Variants in SMARCA1 observed in about 807,000 individuals in gnomAD.
SMARCA1 encodes SWI/SNF-related matrix-associated actin-dependent regulator of chromatin subfamily A member 1.
In SMARCA1, 17 loss-of-function variants were observed where a neutral mutation model predicts 93.6. The ratio of observed to expected loss-of-function variants is 0.18; its 90% CI spans 0.12 to 0.27. SMARCA1 has a LOEUF of 0.27. Ranked by LOEUF, SMARCA1 falls within the 10% of genes least tolerant of loss-of-function variation. The pLI is 1.00. For synonymous variants in SMARCA1, 271 were observed against 271.4 expected (o/e 1.00, Z 0.01); for missense variants, 630 against 819.0 (o/e 0.77, Z 2.82).
At chrX:129,465,992 C>A in intron 21 of SMARCA1, 30 bp from the exon 22 acceptor site, 1 of 759,902 alleles carries the variant, frequency 1.3e-6, no homozygotes, top group East Asian at 3.3e-5. Context: ...CTTTAAAATC[C>A]TATCATTTAA....
chrX:129,515,925 A>G lies in SMARCA1; in HGVS notation c.498T>C (p.Asn166=). The G allele has an allele frequency of 8.3e-7, 1 of 1,206,144 alleles. No homozygotes were observed. The change falls in exon 4 of 25, where the codon AAT becomes AAC. Residue 166 remains asparagine (N), a synonymous_variant. Transcript: ENST00000371121. ...ELLSESRKTS[N]VCIRFEVSPS... is the part of the protein sequence containing the mutation. ...GTGACACCTCAAATCTAATACACAC[A>G]TTAGATGTTTTCCGACTCTCAGACA...
intron 10 of SMARCA1, among the ~76,000 whole-genome samples, chrX:129,498,734 T>A (rs182600314): frequency 8.9e-6 from 1 of 112,032 alleles, no homozygotes; most frequent in Non-Finnish European, 1.9e-5. Flanking sequence ...AGCTGTGATC[T>A]TAGTCTGAGT....
At chrX:129,477,654 G>A (rs1933447421) in intron 19 of SMARCA1, among the ~76,000 whole-genome samples, 1 of 111,578 alleles carries the variant, frequency 9.0e-6, no homozygotes, top group Admixed American at 9.5e-5. Flanking sequence ...CTATGCTTCA[G>A]TTTCCTCATC....
intron 6 of SMARCA1, among the ~76,000 whole-genome samples, chrX:129,510,924 TTAAG>T (rs949641852): frequency 4.5e-5 from 5 of 111,021 alleles, no homozygotes; most frequent in African/African-American, 1.6e-4. Context: ...TTAAATAAAT[TTAAG>T]TAATTTTTCT....
At chrX:129,494,593 C>G (rs1222984729) in intron 12 of SMARCA1, among the ~76,000 whole-genome samples, 1 of 111,084 alleles carries the variant, frequency 9.0e-6, no homozygotes, top group Non-Finnish European at 1.9e-5. Flanking sequence ...GGGATGCGGG[C>G]TAAGAGAGAG....
intron 19 of SMARCA1, among the ~76,000 whole-genome samples, chrX:129,478,527 A>C (rs779286163): frequency 9.1e-6 from 1 of 109,990 alleles, no homozygotes; most frequent in South Asian, 4.0e-4. Flanking sequence ...ACCACCCTTA[A>C]CAGCTGTCCC....
At position 129,516,493 on chromosome X, in the gene SMARCA1, G is replaced by C; in HGVS notation, c.266C>G (p.Ala89Gly). 2 of 1,192,688 alleles carry C rather than the reference G, an allele frequency of 1.7e-6. No homozygotes were observed. The highest frequency in any genetic ancestry group is 2.3e-6 in the Non-Finnish European group (2 of 887,098). ...MDPEYEEKMK[A>G]DRAKRFEFLL... is the part of the protein sequence containing the mutation. ...AAATTCAAATCTCTTTGCTCGGTCG[G>C]CTTTCTAATTTGCAAAACAAAAGAA... Residue 89 changes from alanine to glycine, a missense_variant, in exon 3 of 25, where the codon GCC (alanine) becomes GGC (glycine). By Grantham distance (60) the Ala-to-Gly change is moderately conservative. Transcript: ENST00000371121.
At chrX:129,481,652 G>A (rs1019535543) in intron 17 of SMARCA1, among the ~76,000 whole-genome samples, 26 of 111,563 alleles carry the variant, frequency 2.3e-4, no homozygotes, top group Non-Finnish European at 4.9e-4. Context: ...ACACCAGTTA[G>A]AATGGCAATC....
chrX:129,480,310 A>G (rs59121018), intron 19 of SMARCA1, among the ~76,000 whole-genome samples: 11,007 of 112,234 alleles, frequency 0.098, 511 homozygotes, highest in East Asian at 0.36. Context: ...CGTATAGGCA[A>G]TAAAGACAGA....
rs138078215 is a variant in SMARCA1 at position 129,514,907 on chromosome X, G to A, written c.630+780C>T. Among the ~76,000 whole-genome samples the A allele has an allele frequency of 9.4e-3, 1,036 of 110,654 alleles. 7 individuals are homozygous for A. Among genetic ancestry groups the A allele is most frequent in the South Asian group, 0.027 (70 of 2,552 alleles). On this transcript the variant is annotated intron_variant, in intron 5 of 24. Transcript: ENST00000371121. ...TACTAAAAATACAAAAAAATTAGCC[G>A]GACGTGGTGGCAGGCGCCTGTAACC...
At position 129,447,239 on chromosome X, in the gene SMARCA1, A is replaced by T; in HGVS notation, c.3142-6T>A. The T allele has an allele frequency of 8.8e-7, 1 of 1,131,282 alleles. No homozygotes were observed. The highest frequency in any genetic ancestry group is 1.2e-6 in the Non-Finnish European group (1 of 853,569). 93.2% of individuals were successfully genotyped at this position (1,131,282 alleles called of 1,213,427 possible). A position where few individuals can be genotyped will look rare whatever the true frequency, so the allele number is the denominator to read the frequency against. Reference sequence around the variant, plus strand: ...TCTGCTTTTCTTTTCTGTGACTAAAATGGAAACAGATTTAATGTTCTGCTC... The same window carrying T: ...TCTGCTTTTCTTTTCTGTGACTAAATTGGAAACAGATTTAATGTTCTGCTC... On this transcript the variant is annotated splice_region_variant and splice_polypyrimidine_tract_variant and intron_variant, in intron 24 of 24. Transcript: ENST00000371121.
chrX:129,488,286 C>CAAAA (rs34476497), intron 16 of SMARCA1, among the ~76,000 whole-genome samples: 4 of 46,676 alleles, frequency 8.6e-5, no homozygotes, highest in African/African-American at 1.4e-4. Context: ...TAGTCCAGTG[C>CAAAA]AAAAAAAAAA....
chrX:129,457,834 T>A (rs1373722453), intron 23 of SMARCA1, among the ~76,000 whole-genome samples: 3 of 112,008 alleles, frequency 2.7e-5, no homozygotes, highest in Non-Finnish European at 5.6e-5. Flanking sequence ...ATCTTTCACA[T>A]GTTTCAAGGA....
chrX:129,515,737 A>G lies in SMARCA1; in HGVS notation c.580T>C (p.Leu194=). The change falls in exon 5 of 25, where the codon TTG becomes CTG. Residue 194 remains leucine, a synonymous_variant. Transcript: ENST00000371121. ...RDYQIRGLNW[L]ISLYENGVNG... The stretch of plus-strand genomic sequence containing the variant: ...ACTCCATTTTCATATAAAGAGATCA[A>G]CCAATTCAGTCCTCGAATCTGATAA... The G allele has an allele frequency of 2.5e-6, 3 of 1,207,631 alleles. No homozygotes were observed. The highest frequency in any genetic ancestry group is 3.4e-6 in the Non-Finnish European group (3 of 891,848).
intron 13 of SMARCA1, 40 bp from the exon 14 acceptor site, chrX:129,492,133 AAAAT>A (rs755395080): frequency 4.2e-5 from 37 of 883,562 alleles, no homozygotes; most frequent in Non-Finnish European, 5.4e-5. Flanking sequence ...GAAAAAGAGA[AAAAT>A]AAAATTAGAC....
intron 1 of SMARCA1, among the ~76,000 whole-genome samples, chrX:129,521,266 G>T (rs147517106): frequency 2.3e-3 from 257 of 112,257 alleles, no homozygotes; most frequent in Non-Finnish European, 4.2e-3. Context: ...ACAACCTGCG[G>T]GATTTCAGGT....
intron 14 of SMARCA1, 67 bp from the exon 15 acceptor site, chrX:129,490,259 A>G: frequency 2.7e-6 from 2 of 747,363 alleles, no homozygotes; most frequent in Non-Finnish European, 3.8e-6. Context: ...ATCATATGCT[A>G]TAAAATTCTA....
chrX:129,516,953 T>C (rs1191494590), intron 2 of SMARCA1, among the ~76,000 whole-genome samples: 5 of 111,409 alleles, frequency 4.5e-5, no homozygotes, highest in Non-Finnish European at 7.6e-5. Flanking sequence ...TACCATAAAC[T>C]GAACTCTTAA....
chrX:129,498,810 T>C (rs769244094), intron 10 of SMARCA1, among the ~76,000 whole-genome samples: 6 of 111,868 alleles, frequency 5.4e-5, no homozygotes, highest in Non-Finnish European at 1.1e-4. Context: ...ATATATTTTA[T>C]ACATGATCTA....
Sources: allele counts gnomAD v4.1 joint callset (sites outside exome capture counted in the v4.1 genomes callset), GRCh38; gene constraint gnomAD v4.1.1; transcripts MANE v1.5; gene names NCBI Gene and HGNC (gene_info 2026-07-23, HGNC 2026-07-21).